Variants in NLRP9 observed in about 807,000 individuals in gnomAD.
The protein encoded by NLRP9 is NACHT, LRR and PYD domains-containing protein 9.
In NLRP9, 88 loss-of-function variants were observed where a neutral mutation model predicts 83.1. The ratio of observed to expected loss-of-function variants is 1.06; its 90% CI spans 0.89 to 1.26. The LOEUF (loss-of-function observed/expected upper bound fraction) is 1.26, where lower values mean the gene tolerates loss of function less well. Ranked by LOEUF, NLRP9 falls within the 50% of genes most tolerant of loss-of-function variation. The pLI is 0.00. For missense variants in NLRP9, 1,308 were observed against 1,179.3 expected (o/e 1.11, Z -1.60); for synonymous variants, 521 against 447.6 (o/e 1.16, Z -2.07).
chr19:55,710,792 G>A (rs1987679972), intron 8 of NLRP9, among the ~76,000 whole-genome samples: 1 of 152,090 alleles, frequency 6.6e-6, no homozygotes, highest in Admixed American at 6.6e-5. Context: ...TCCTTTATAA[G>A]TTACCAGTCT....
In NLRP9 at chr19:55,715,065, G is replaced by C. The variant is rs746998723; in HGVS notation, c.2491C>G (p.Arg831Gly). ...CATGGCCGGTCCTACCACAGCTCCC[G>C]TATGCTGCAGCCTGGGTGCTTCAGC... ...AALKHPGCSI[R>G]ELWLMGCFLT... Residue 831 changes from arginine (R) to glycine (G), a missense_variant, in exon 6 of 9, where the codon CGG becomes GGG. By Grantham distance (125) the Arg-to-Gly change is moderately radical (BLOSUM62 -2). Transcript: ENST00000332836. 1 of 1,609,786 alleles carries C rather than the reference G, an allele frequency of 6.2e-7. No individual in the cohort carries two copies. Among genetic ancestry groups the C allele is most frequent in the Non-Finnish European group, 8.5e-7 (1 of 1,178,436 alleles).
intron 3 of NLRP9, among the ~76,000 whole-genome samples, chr19:55,725,685 G>T (rs1988378698): frequency 6.6e-6 from 1 of 152,228 alleles, no homozygotes; most frequent in African/African-American, 2.4e-5. Context: ...TGCGGCGAGG[G>T]TGAGCAGAGC....
chr19:55,708,925 C>G lies in NLRP9; in HGVS notation c.2963G>C (p.Gly988Ala). 1 of 1,559,220 alleles carries G rather than the reference C, an allele frequency of 6.4e-7. No individual in the cohort carries two copies. Among genetic ancestry groups the G allele is most frequent in the Non-Finnish European group, 8.6e-7 (1 of 1,160,382 alleles). The change falls in exon 9 of 9, where the codon GGT (glycine) becomes GCT (alanine). Residue 988 changes from glycine to alanine, a missense_variant. Transcript: ENST00000332836. ...GGGTGTTCCCCATCAGAGGAGCACA[C>G]CCCTGATCTTGTATTCCTCGTCAAT... Reference protein sequence around the residue: ...PWIDEEYKIRGVLL With the variant: ...PWIDEEYKIRAVLL
Position 55,715,113 on chromosome 19 carries a change from C to T in NLRP9, c.2443G>A (p.Gly815Arg), listed in dbSNP as rs1282661678. 6 of 1,613,176 alleles carry T rather than the reference C, an allele frequency of 3.7e-6. No homozygotes were observed. The highest frequency in any genetic ancestry group is 5.1e-6 in the Non-Finnish European group (6 of 1,179,882). ...DLGSNALEDN[G>R]VASLCAALKH... is the part of the protein sequence containing the mutation. ...AGCGCTGCACACAGAGATGCCACTC[C>T]ATTATCTTCCAGGGCATTTGAGCCC... Residue 815 changes from glycine (G) to arginine (R), a missense_variant, in exon 6 of 9, where the codon GGA becomes AGA. Coordinates refer to ENST00000332836, the MANE Select transcript of NLRP9 (RefSeq NM_176820.4).
chr19:55,726,961 G>T (rs1028893163), intron 3 of NLRP9, among the ~76,000 whole-genome samples: 1 of 152,250 alleles, frequency 6.6e-6, no homozygotes, highest in African/African-American at 2.4e-5. Flanking sequence ...ATCTAATGAT[G>T]TTTTTACTAG....
At chr19:55,724,415 C>T (rs1012315414) in intron 3 of NLRP9, among the ~76,000 whole-genome samples, 1 of 152,102 alleles carries the variant, frequency 6.6e-6, no homozygotes, top group South Asian at 2.1e-4. Context: ...TCAGCCGAAT[C>T]CCATGTTAAA....
chr19:55,714,794 G>C (rs73615246), intron 6 of NLRP9, among the ~76,000 whole-genome samples: 1 of 151,986 alleles, frequency 6.6e-6, no homozygotes, highest in Non-Finnish European at 1.5e-5. Flanking sequence ...ATTTTCTCAC[G>C]GCGTCCACAG....
chr19:55,728,357 A>C (rs1988461047), intron 3 of NLRP9, among the ~76,000 whole-genome samples: 1 of 152,086 alleles, frequency 6.6e-6, no homozygotes, highest in African/African-American at 2.4e-5. Flanking sequence ...CGGGCGCATC[A>C]CAAGGCCAGG....
chr19:55,733,616 C>G, intron 1 of NLRP9, 66 bp from the exon 2 acceptor site: 3 of 979,192 alleles, frequency 3.1e-6, no homozygotes, highest in Non-Finnish European at 3.1e-6. Flanking sequence ...CTTCTGAGAA[C>G]TGTAAACCAA....
chr19:55,731,840 C>T (rs1011459040), intron 2 of NLRP9, among the ~76,000 whole-genome samples, 159 bp downstream of exon 2: 1 of 152,108 alleles, frequency 6.6e-6, no homozygotes, highest in African/African-American at 2.4e-5. Context: ...AGTTGCAGCT[C>T]ATGATCCCAC....
In NLRP9 at chr19:55,709,007, T is replaced by C; in HGVS notation, c.2881A>G (p.Ile961Val). ...KSGFDEETQK[I>V]LMSVEEKIPH... The stretch of plus-strand genomic sequence containing the variant: ...ATTTTTTCTTCCACAGACATCAGGA[T>C]CTTCTGAGTTTCTTCATCAAAGCCA... Residue 961 changes from isoleucine (I) to valine (V), a missense_variant, in exon 9 of 9, where the codon ATC becomes GTC. Ile to Val is a conservative substitution (Grantham distance 29). Transcript: ENST00000332836. 1 of 1,585,010 alleles carries C rather than the reference T, an allele frequency of 6.3e-7. No individual in the cohort carries two copies. The highest frequency in any genetic ancestry group is 1.2e-5 in the South Asian group (1 of 84,498).
Position 55,732,073 on chromosome 19 carries a change from C to A in NLRP9, c.1758G>T (p.Lys586Asn). 6.2e-7 allele frequency: 1 copy of A among 1,609,192 alleles called. No homozygotes were observed. The highest frequency in any genetic ancestry group is 8.5e-7 in the Non-Finnish European group (1 of 1,178,546). The change falls in exon 2 of 9, where the codon AAG becomes AAT. Residue 586 changes from lysine to asparagine, a missense_variant. Transcript: ENST00000332836. ...EHLVIASFCL[K>N]HCQHLTTLRM... ...GAAGTGTCGTTAAATGTTGACAATG[C>A]TTCAGGCAGAATGAAGCTATTACCA...
intron 4 of NLRP9, among the ~76,000 whole-genome samples, chr19:55,719,658 G>T (rs766245583): frequency 6.6e-6 from 1 of 152,098 alleles, no homozygotes; most frequent in South Asian, 2.1e-4. Context: ...CAAGCCTCTC[G>T]ATTGAAACTA....
rs777724158 is a variant in NLRP9 at position 55,738,164 on chromosome 19, C to T, written c.211G>A (p.Val71Ile). ...KHYPGKQAWE[V>I]TLNLFLQINR... ...ATCTGTAGAAACAGGTTCAGTGTTA[C>T]CTCCCATGCCTGCTTTCCTGGGTAA... The change falls in exon 1 of 9, where the codon GTA (valine) becomes ATA (isoleucine). Residue 71 changes from valine to isoleucine, a missense_variant. Coordinates refer to ENST00000332836, the MANE Select transcript of NLRP9 (RefSeq NM_176820.4). 6.2e-6 allele frequency: 10 copies of T among 1,613,976 alleles called. No homozygotes were observed. In the Admixed American group the frequency reaches 8.3e-5, roughly 13 times the overall value.
chr19:55,734,520 C>A (rs1370850448), intron 1 of NLRP9, among the ~76,000 whole-genome samples: 2 of 87,720 alleles, frequency 2.3e-5, no homozygotes, highest in Non-Finnish European at 2.5e-5. Context: ...TATATATACA[C>A]ACACACATAT....
At position 55,733,324 on chromosome 19, in the gene NLRP9, C is replaced by A. The variant is rs770097139; in HGVS notation, c.507G>T (p.Trp169Cys). The A allele has an allele frequency of 1.2e-5, 19 of 1,614,072 alleles. No individual in the cohort carries two copies. Among genetic ancestry groups the A allele is most frequent in the Non-Finnish European group, 1.6e-5 (19 of 1,179,928 alleles). The stretch of plus-strand genomic sequence containing the variant: ...TGTCCTTCCATAAGTTTCCCTCTGC[C>A]CAGTCCAACATCACTTTTCTTAAAA... ...TTLLRKVMLDWAEGNLWKDRF... is the reference protein window; with the variant it reads ...TTLLRKVMLDCAEGNLWKDRF... The change falls in exon 2 of 9, where the codon TGG becomes TGT. Residue 169 changes from tryptophan (W) to cysteine (C), a missense_variant. Transcript: ENST00000332836.
At chr19:55,729,486 T>C (rs1273912536) in intron 3 of NLRP9, among the ~76,000 whole-genome samples, 1 of 152,114 alleles carries the variant, frequency 6.6e-6, no homozygotes, top group Non-Finnish European at 1.5e-5. Context: ...ACATGCGTTG[T>C]TTGGTTTTTT....
chr19:55,723,899 C>G, intron 4 of NLRP9, 81 bp downstream of exon 4: 1 of 1,122,136 alleles, frequency 8.9e-7, no homozygotes, highest in Non-Finnish European at 1.3e-6. Context: ...CAATGACCCT[C>G]CAGGAAGGAA....
In NLRP9 at chr19:55,729,967, G is replaced by T; in HGVS notation, c.1858C>A (p.Arg620=). 1 of 1,613,170 alleles carries T rather than the reference G, an allele frequency of 6.2e-7. No individual in the cohort carries two copies. The highest frequency in any genetic ancestry group is 8.5e-7 in the Non-Finnish European group (1 of 1,179,562). The change falls in exon 3 of 9, where the codon CGG becomes AGG. Residue 620 remains arginine, a synonymous_variant. Transcript: ENST00000332836. ...GTAATGAACATTGAGCAAAGCTCCCGCCAGTAGACGAGCTTCTCATTGTAA... is the reference window on the plus strand; with the variant it reads ...GTAATGAACATTGAGCAAAGCTCCCTCCAGTAGACGAGCTTCTCATTGTAA... ...SDYNEKLVYW[R]ELCSMFITNK...
Sources: allele counts gnomAD v4.1 joint callset (sites outside exome capture counted in the v4.1 genomes callset), GRCh38; gene constraint gnomAD v4.1.1; transcripts MANE v1.5; gene names NCBI Gene and HGNC (gene_info 2026-07-23, HGNC 2026-07-21).